Variants in MPND observed in about 807,000 individuals in gnomAD.
MPND encodes MPN domain-containing protein.
MPND carries 56 observed loss-of-function variants against 59.2 expected under a neutral mutation model. The ratio of observed to expected loss-of-function variants is 0.95; its 90% CI spans 0.76 to 1.18. MPND has a LOEUF of 1.18. Among genes scored for constraint, MPND ranks in the 50% most tolerant of loss-of-function variants. The pLI is 0.00. For missense variants in MPND, 671 were observed against 676.0 expected (o/e 0.99, Z 0.08); for synonymous variants, 323 against 291.9 (o/e 1.11, Z -1.09).
At chr19:4,346,729 T>C (rs2144815565) in intron 3 of MPND, among the ~76,000 whole-genome samples, 1 of 151,946 alleles carries the variant, frequency 6.6e-6, no homozygotes, top group East Asian at 1.9e-4. Context: ...TTTTTTTTCT[T>C]ATGTGAAATG....
intron 3 of MPND, among the ~76,000 whole-genome samples, chr19:4,350,885 C>T (rs984730682): frequency 6.6e-6 from 1 of 151,910 alleles, no homozygotes; most frequent in Admixed American, 6.6e-5. Context: ...GGGAGGAGGC[C>T]TGAAAACCCA....
intron 4 of MPND, 145 bp downstream of exon 4, chr19:4,353,174 C>T (rs1428900127): frequency 1.0e-5 from 6 of 582,892 alleles, no homozygotes; most frequent in South Asian, 9.1e-5. Context: ...AGTCTGGAGC[C>T]GGACGAGGCC....
At chr19:4,354,508 G>C (rs1278047885) in intron 6 of MPND, 88 bp downstream of exon 6, 1 of 1,037,794 alleles carries the variant, frequency 9.6e-7, no homozygotes, top group East Asian at 2.6e-5. Context: ...TCAGCTCCAT[G>C]AGAGCTGGGG....
rs751673134 is a variant in MPND at position 4,345,873 on chromosome 19, G to A, written c.423G>A (p.Ser141=). 4.8e-5 allele frequency: 78 copies of A among 1,613,934 alleles called. No individual in the cohort carries two copies. Among genetic ancestry groups the A allele is most frequent in the Non-Finnish European group, 5.1e-6 (6 of 1,180,046 alleles). Residue 141 remains serine, a synonymous_variant, in exon 3 of 13, where the codon TCG becomes TCA. Coordinates refer to ENST00000599840, the MANE Select transcript of MPND (RefSeq NM_001300862.2). ...CKKLVNPAKK[S]GCGWASVKYK... ...AGCTGGTGAACCCTGCCAAGAAGTC[G>A]GGCTGTGGCTGGGCCTCTGTCAAGT...
intron 3 of MPND, among the ~76,000 whole-genome samples, chr19:4,350,461 G>C (rs986458439): frequency 1.3e-5 from 2 of 152,196 alleles, no homozygotes; most frequent in African/African-American, 4.8e-5. Flanking sequence ...TCGGGGGTTA[G>C]GGTGGGATCC....
chr19:4,357,965 G>A, intron 10 of MPND, 118 bp from the exon 11 acceptor site: 1 of 782,890 alleles, frequency 1.3e-6, no homozygotes. Flanking sequence ...CGATCCCGGT[G>A]CAGAGCTGAG....
intron 3 of MPND, among the ~76,000 whole-genome samples, chr19:4,347,547 A>G (rs1211017904): frequency 6.6e-6 from 1 of 152,016 alleles, no homozygotes; most frequent in Admixed American, 6.6e-5. Flanking sequence ...CTGCCTGTAG[A>G]TATGTTTTCA....
chr19:4,343,604 C>G lies in MPND; in HGVS notation c.7+4C>G, dbSNP rs1026946432. ...CGGGGAGGCGCGGCCATGGCAGGTA[C>G]GGCGGGCCCAGCGGGGCGGAGGCGC... On this transcript the variant is annotated splice_donor_region_variant and intron_variant, in intron 1 of 12. Transcript: ENST00000599840. 2.6e-5 allele frequency: 30 copies of G among 1,174,786 alleles called. No homozygotes were observed. Among genetic ancestry groups the G allele is most frequent in the Non-Finnish European group, 3.0e-5 (28 of 945,472 alleles). 72.8% of individuals were successfully genotyped at this position (1,174,786 alleles called of 1,614,324 possible).
At chr19:4,345,193 C>T (rs1972159387) in intron 2 of MPND, among the ~76,000 whole-genome samples, 1 of 149,636 alleles carries the variant, frequency 6.7e-6, no homozygotes, top group Non-Finnish European at 1.5e-5. Context: ...ATTACAGGCA[C>T]CCGCCACCAC....
chr19:4,353,934 T>A, intron 4 of MPND, 111 bp from the exon 5 acceptor site: 1 of 891,058 alleles, frequency 1.1e-6, no homozygotes, highest in Non-Finnish European at 1.8e-6. Context: ...GCTCAAGCGA[T>A]CCTCCTGCTT....
chr19:4,358,200 G>A (rs1315226108), intron 11 of MPND, 28 bp downstream of exon 11: 9 of 1,538,864 alleles, frequency 5.8e-6, no homozygotes, highest in Non-Finnish European at 7.9e-6. Flanking sequence ...CGGGCAGGCA[G>A]GGGCTGGCAG....
intron 10 of MPND, 95 bp from the exon 11 acceptor site, chr19:4,357,988 C>G (rs910466190): frequency 2.0e-6 from 2 of 1,019,134 alleles, no homozygotes; most frequent in Non-Finnish European, 3.0e-6. Context: ...GGGGTGTGCA[C>G]TCTCCCGTTC....
At chr19:4,352,160 G>A (rs1972332868) in intron 3 of MPND, among the ~76,000 whole-genome samples, 2 of 151,882 alleles carry the variant, frequency 1.3e-5, no homozygotes, top group Admixed American at 6.6e-5. Context: ...GTGACAGAGT[G>A]AGACCGTGTC....
intron 3 of MPND, chr19:4,347,143 CTTTT>C (rs939768764): frequency 6.8e-6 from 1 of 146,080 alleles, no homozygotes. Context: ...GTGGCAGAAT[CTTTT>C]TTTTTTTTCT....
chr19:4,352,063 C>T (rs534512469), intron 3 of MPND, among the ~76,000 whole-genome samples: 2 of 151,682 alleles, frequency 1.3e-5, no homozygotes, highest in East Asian at 3.9e-4. Flanking sequence ...CTCCCAGCTA[C>T]TCAGGAGGCT....
chr19:4,351,861 C>CAAAGA, intron 3 of MPND, among the ~76,000 whole-genome samples: 1 of 51,420 alleles, frequency 1.9e-5, no homozygotes, highest in Middle Eastern at 0.018. Flanking sequence ...GACTCTGTCT[C>CAAAGA]AAAAAAAAAA....
chr19:4,343,835 C>T lies in MPND; in HGVS notation c.135C>T (p.Gly45=). The T allele has an allele frequency of 7.5e-6, 9 of 1,198,064 alleles. No individual in the cohort carries two copies. The highest frequency in any genetic ancestry group is 9.3e-6 in the Non-Finnish European group (9 of 968,014). The allele number at this position is 1,198,064 out of a possible 1,614,324, so 74.2% of individuals were successfully genotyped here. ...AGAGGGRSGG[G]GSSVSGGGGG... ...CGGGCGGTGGACGCAGTGGCGGCGG[C>T]GGCAGTAGCGTCAGCGGAGGAGGCG... is the stretch of plus-strand genomic sequence containing the variant. The change falls in exon 2 of 13, where the codon GGC becomes GGT. Residue 45 remains glycine, a synonymous_variant. Coordinates refer to ENST00000599840, the MANE Select transcript of MPND (RefSeq NM_001300862.2).
chr19:4,354,456 C>T lies in MPND; in HGVS notation c.846+36C>T, dbSNP rs1052280219. ...CACCCTGTCTAGGGGCAAGGGGCTC[C>T]GGAGCCCAGTCGGTGGGCAGCGGGC... On this transcript the variant is annotated intron_variant, in intron 6 of 12. Transcript: ENST00000599840. The T allele has an allele frequency of 1.2e-5, 19 of 1,530,874 alleles. No homozygotes were observed. In the African/African-American group the frequency reaches 1.5e-4, roughly 12 times the overall value. 94.8% of individuals were successfully genotyped at this position (1,530,874 alleles called of 1,614,324 possible).
At chr19:4,359,061 G>T (rs1972513760) in intron 11 of MPND, 102 bp from the exon 12 acceptor site, 2 of 739,456 alleles carry the variant, frequency 2.7e-6, no homozygotes, top group African/African-American at 1.8e-5. Context: ...GTTAGTGATG[G>T]GGTCATGTCT....
Sources: allele counts gnomAD v4.1 joint callset (sites outside exome capture counted in the v4.1 genomes callset), GRCh38; gene constraint gnomAD v4.1.1; transcripts MANE v1.5; gene names NCBI Gene and HGNC (gene_info 2026-07-23, HGNC 2026-07-21).